The following KLHL2 variants were observed in gnomAD, a reference collection of about 807,000 sequenced individuals.
The protein encoded by KLHL2 is kelch like family member 2.
Under a neutral mutation model 75.8 loss-of-function variants are expected in KLHL2, and 15 were observed. The observed-to-expected ratio is 0.20, with a 90% CI of 0.13 to 0.30. The LOEUF is 0.30. Ranked by LOEUF, KLHL2 falls within the 10% of genes least tolerant of loss-of-function variation. The probability of loss-of-function intolerance (pLI) is 1.00; values close to 1 mark genes in which losing one functional copy is unlikely to be tolerated. For missense variants in KLHL2, 381 were observed against 741.0 expected, an observed-to-expected ratio of 0.51 and a Z score of 5.64; for synonymous variants, 214 against 251.9, an observed-to-expected ratio of 0.85 and a Z score of 1.42.
At chr4:165,268,013 T>C (rs2126315479) in intron 5 of KLHL2, among the ~76,000 whole-genome samples, 1 of 152,302 alleles carries the variant, frequency 6.6e-6, no homozygotes, top group Middle Eastern at 3.4e-3. Flanking sequence ...TATTCAGAGA[T>C]TCAGCTTCTT....
intron 3 of KLHL2, among the ~76,000 whole-genome samples, chr4:165,231,889 TC>T (rs1447388218): frequency 6.6e-6 from 1 of 152,212 alleles, no homozygotes; most frequent in Non-Finnish European, 1.5e-5. Context: ...GTTTGAAACT[TC>T]CTATTTCTCC....
rs192111690 is a variant in KLHL2, at chr4:165,304,151, G to A, written c.922-1457G>A. On this transcript the variant is annotated intron_variant, in intron 8 of 14. Coordinates refer to ENST00000226725, the MANE Select transcript of KLHL2 (RefSeq NM_007246.4). ...CCGCTTCAGCCTCCCAAAGTGCTGG[G>A]ATTACAGACGTGAGCCACCATACCT... Among the ~76,000 whole-genome samples the A allele has an allele frequency of 9.6e-3, 1,464 of 152,264 alleles. 22 individuals are homozygous for A. The highest frequency in any genetic ancestry group is 0.031 in the African/African-American group (1,306 of 41,540).
intron 4 of KLHL2, among the ~76,000 whole-genome samples, chr4:165,256,029 G>A (rs1248035515): frequency 6.6e-6 from 1 of 151,956 alleles, no homozygotes; most frequent in Admixed American, 6.6e-5. Context: ...CAAGCAGAAG[G>A]AGTATACTTG....
At position 165,243,404 on chromosome 4, in the gene KLHL2, A is replaced by G. The variant is rs186829402; in HGVS notation, c.381+4505A>G. On this transcript the variant is annotated intron_variant, in intron 4 of 14. Coordinates refer to ENST00000226725, the MANE Select transcript of KLHL2 (RefSeq NM_007246.4). ...CTATTCCTAAATTAATATTATGAGT[A>G]CTCATCTACAGATTCTTTCCATATT... Among the ~76,000 whole-genome samples the G allele has an allele frequency of 5.9e-5, 9 of 152,300 alleles. No individual in the cohort carries two copies. In the East Asian group the frequency reaches 1.7e-3, roughly 29 times the overall value.
chr4:165,215,414 G>C (rs1252784508), intron 1 of KLHL2, among the ~76,000 whole-genome samples: 1 of 152,216 alleles, frequency 6.6e-6, no homozygotes, highest in Non-Finnish European at 1.5e-5. Context: ...GCTTCTGAAT[G>C]CAAGTTTGGC....
rs548411143 is a variant in KLHL2 at position 165,321,666 on chromosome 4, A to T, written c.1754-366A>T. Among the ~76,000 whole-genome samples, 3 of 152,268 alleles carry T rather than the reference A, an allele frequency of 2.0e-5. No homozygotes were observed. The East Asian group carries it at 5.8e-4, about 29-fold the overall frequency. On this transcript the variant is annotated intron_variant, in intron 14 of 14. Coordinates refer to ENST00000226725, the MANE Select transcript of KLHL2 (RefSeq NM_007246.4). ...GTCAACTGTATATTTAAACTATATA[A>T]TTTTATTACTTTTGACAGAGTATAT...
chr4:165,292,359 A>C (rs1468088150), intron 5 of KLHL2, among the ~76,000 whole-genome samples: 2 of 151,256 alleles, frequency 1.3e-5, no homozygotes, highest in Non-Finnish European at 3.0e-5. Flanking sequence ...TTGAGACAGA[A>C]TCTTACTCTG....
chr4:165,321,975 C>G, intron 14 of KLHL2, 57 bp from the exon 15 acceptor site: 1 of 1,503,228 alleles, frequency 6.7e-7, no homozygotes, highest in African/African-American at 1.4e-5. Context: ...AGTGTTTTCT[C>G]AGAGATACAG....
At chr4:165,310,376 A>G (rs72701614) in intron 9 of KLHL2, among the ~76,000 whole-genome samples, 177 bp from the exon 10 acceptor site, 9,856 of 152,248 alleles carry the variant, frequency 0.065, 717 homozygotes, top group Admixed American at 0.22. Flanking sequence ...AAAGAAAGAC[A>G]ATTTAGTGAT....
chr4:165,248,652 A>G (rs1740448665), intron 4 of KLHL2, among the ~76,000 whole-genome samples: 1 of 152,246 alleles, frequency 6.6e-6, no homozygotes, highest in South Asian at 2.1e-4. Context: ...GGTCATTATT[A>G]GCATTTAAGA....
chr4:165,304,888 T>G (rs1261320171), intron 8 of KLHL2, among the ~76,000 whole-genome samples: 1 of 152,218 alleles, frequency 6.6e-6, no homozygotes, highest in Non-Finnish European at 1.5e-5. Flanking sequence ...CCTAACATAG[T>G]TCTGGACACA....
chr4:165,255,923 T>C (rs1220375082), intron 4 of KLHL2, among the ~76,000 whole-genome samples: 2 of 152,118 alleles, frequency 1.3e-5, no homozygotes, highest in African/African-American at 4.8e-5. Flanking sequence ...ATAAGCAAAC[T>C]GCTAATGGCT....
intron 14 of KLHL2, among the ~76,000 whole-genome samples, chr4:165,320,855 A>G (rs1333776842): frequency 2.6e-5 from 4 of 152,228 alleles, no homozygotes; most frequent in Admixed American, 1.3e-4. Flanking sequence ...GTTTCAAGGT[A>G]TGGATCTTGG....
intron 4 of KLHL2, among the ~76,000 whole-genome samples, chr4:165,241,249 A>C (rs1283377720): frequency 6.6e-6 from 1 of 152,236 alleles, no homozygotes; most frequent in Non-Finnish European, 1.5e-5. Context: ...GATTAAAAGT[A>C]GCTACTTTTT....
At chr4:165,231,254 G>A (rs1357648968) in intron 3 of KLHL2, among the ~76,000 whole-genome samples, 1 of 152,076 alleles carries the variant, frequency 6.6e-6, no homozygotes, top group African/African-American at 2.4e-5. Flanking sequence ...TTCAAGACCA[G>A]CCTTGGCCAC....
At chr4:165,278,750 C>G in intron 5 of KLHL2, 1 of 1,583,504 alleles carries the variant, frequency 6.3e-7, no homozygotes, top group Admixed American at 1.7e-5. Context: ...GGTGAGAAGG[C>G]CATGATCAGA....
intron 2 of KLHL2, among the ~76,000 whole-genome samples, chr4:165,224,240 A>C (rs904334650): frequency 1.3e-5 from 2 of 152,008 alleles, no homozygotes; most frequent in Admixed American, 1.3e-4. Flanking sequence ...AAAAAAAAAA[A>C]CCTACTGTTT....
intron 5 of KLHL2, among the ~76,000 whole-genome samples, chr4:165,284,463 C>T (rs1560803745): frequency 6.6e-6 from 1 of 152,178 alleles, no homozygotes; most frequent in Admixed American, 6.5e-5. Flanking sequence ...TAAAACATAA[C>T]AAGAGTCACC....
intron 5 of KLHL2, among the ~76,000 whole-genome samples, chr4:165,289,509 GTTTT>G (rs1194080743): frequency 8.9e-6 from 1 of 112,974 alleles, no homozygotes; most frequent in African/African-American, 3.6e-5. Flanking sequence ...TTTTGGTTTG[GTTTT>G]TTTTTTTTTT....
Sources: allele counts gnomAD v4.1 joint callset (sites outside exome capture counted in the v4.1 genomes callset), GRCh38; gene constraint gnomAD v4.1.1; transcripts MANE v1.5; gene names NCBI Gene and HGNC (gene_info 2026-07-23, HGNC 2026-07-21).